Variants in ARID5B observed in about 807,000 individuals in gnomAD.
ARID5B encodes the protein AT-rich interaction domain 5B.
A neutral mutation model predicts 97.2 loss-of-function variants in ARID5B; 13 were observed. The ratio of observed to expected loss-of-function variants is 0.13; its 90% CI spans 0.09 to 0.21. The LOEUF (loss-of-function observed/expected upper bound fraction) is 0.21, where lower values mean the gene tolerates loss of function less well. Ranked by LOEUF, ARID5B falls within the 10% of genes least tolerant of loss-of-function variation. The pLI is 1.00. For synonymous variants in ARID5B, 556 were observed against 570.3 expected (o/e 0.97, Z 0.36); for missense variants, 1,210 against 1,465.3 (o/e 0.83, Z 2.84).
rs1337695432 is a variant in ARID5B at position 62,091,031 on chromosome 10, G to T, written c.1568G>T (p.Gly523Val). The T allele has an allele frequency of 3.1e-6, 5 of 1,614,116 alleles. No homozygotes were observed. The highest frequency in any genetic ancestry group is 1.6e-4 in the Middle Eastern group (1 of 6,062). The change falls in exon 10 of 10, where the codon GGT becomes GTT. Residue 523 changes from glycine (G) to valine (V), a missense_variant. Coordinates refer to ENST00000279873, the MANE Select transcript of ARID5B (RefSeq NM_032199.3). ...GAGAAGGACAACGAAACAGACCAAGGTTCCAACAGTGAGAAGGTGGCAGAG... is the reference window on the plus strand; with the variant it reads ...GAGAAGGACAACGAAACAGACCAAGTTTCCAACAGTGAGAAGGTGGCAGAG... ...DPEKDNETDQGSNSEKVAEEA... is the reference protein window; with the variant it reads ...DPEKDNETDQVSNSEKVAEEA...
At chr10:62,012,327 C>T (rs2132880946) in intron 4 of ARID5B, among the ~76,000 whole-genome samples, 1 of 152,190 alleles carries the variant, frequency 6.6e-6, no homozygotes, top group East Asian at 1.9e-4. Context: ...TTGAGACCAG[C>T]CTGGGCAACA....
At chr10:61,930,918 T>C (rs956566703) in intron 2 of ARID5B, among the ~76,000 whole-genome samples, 2 of 152,036 alleles carry the variant, frequency 1.3e-5, no homozygotes, top group African/African-American at 4.8e-5. Flanking sequence ...ATAAACCATT[T>C]TTTGTCTCTG....
chr10:61,989,028 T>G (rs1838886190), intron 3 of ARID5B, among the ~76,000 whole-genome samples: 2 of 151,022 alleles, frequency 1.3e-5, no homozygotes, highest in Non-Finnish European at 3.0e-5. Flanking sequence ...CTCCTGGGTT[T>G]AAGTGATTCT....
intron 4 of ARID5B, among the ~76,000 whole-genome samples, chr10:62,032,330 A>T (rs776490430): frequency 1.3e-5 from 2 of 152,084 alleles, no homozygotes; most frequent in Non-Finnish European, 2.9e-5. Context: ...CTGTAAATAA[A>T]TCAATGAAAA....
At position 61,959,775 on chromosome 10, in the gene ARID5B, A is replaced by G. The variant is rs572840186; in HGVS notation, c.502+19367A>G. On this transcript the variant is annotated intron_variant, in intron 3 of 9. Coordinates refer to ENST00000279873, the MANE Select transcript of ARID5B (RefSeq NM_032199.3). ...AAGTTTTATTTACTGTATTTTCCTA[A>G]TAGTTCATGCACGTGTGATAGGGAG... Among the ~76,000 whole-genome samples the G allele has an allele frequency of 3.9e-5, 6 of 152,316 alleles. No homozygotes were observed. The South Asian group carries it at 1.2e-3, about 32-fold the overall frequency.
At chr10:61,951,540 A>G (rs1325358192) in intron 3 of ARID5B, among the ~76,000 whole-genome samples, 1 of 152,242 alleles carries the variant, frequency 6.6e-6, no homozygotes, top group Non-Finnish European at 1.5e-5. Flanking sequence ...CAAATGTTAC[A>G]GGAGTATCCA....
intron 3 of ARID5B, among the ~76,000 whole-genome samples, chr10:61,981,145 A>G (rs1275173225): frequency 6.6e-6 from 1 of 152,144 alleles, no homozygotes; most frequent in East Asian, 1.9e-4. Flanking sequence ...CTTATCCCTC[A>G]TAGGATTGCT....
chr10:61,902,067 G>T, intron 1 of ARID5B, 92 bp from the exon 2 acceptor site: 1 of 1,480,372 alleles, frequency 6.8e-7, no homozygotes. Flanking sequence ...TGTATTAAGA[G>T]AGTGGATGTC....
chr10:62,014,676 C>T (rs568239465), intron 4 of ARID5B, among the ~76,000 whole-genome samples: 4 of 152,214 alleles, frequency 2.6e-5, no homozygotes, highest in Non-Finnish European at 4.4e-5. Context: ...TGGGACTCCA[C>T]GTCTTATATA....
intron 2 of ARID5B, among the ~76,000 whole-genome samples, chr10:61,916,510 AT>A (rs1429472504): frequency 6.6e-6 from 1 of 152,194 alleles, no homozygotes; most frequent in Non-Finnish European, 1.5e-5. Flanking sequence ...AATATGTGAC[AT>A]TTTATTTACT....
intron 3 of ARID5B, among the ~76,000 whole-genome samples, chr10:61,997,086 T>C (rs1179906014): frequency 6.6e-6 from 1 of 152,042 alleles, no homozygotes; most frequent in African/African-American, 2.4e-5. Flanking sequence ...GCACAGTATC[T>C]GATTCTGATG....
At chr10:62,013,098 A>G (rs962649091) in intron 4 of ARID5B, among the ~76,000 whole-genome samples, 38 of 152,340 alleles carry the variant, frequency 2.5e-4, no homozygotes, top group African/African-American at 8.9e-4. Context: ...TCTTCTGAGA[A>G]CCAGTGCTCA....
intron 4 of ARID5B, among the ~76,000 whole-genome samples, chr10:62,039,574 A>C (rs1181840715): frequency 1.3e-5 from 2 of 152,202 alleles, no homozygotes; most frequent in Non-Finnish European, 2.9e-5. Flanking sequence ...CAGGAATCAA[A>C]AAGTGAGGAG....
chr10:62,094,021 T>C lies in ARID5B; in HGVS notation c.*991T>C, dbSNP rs1168357090. 11 of 233,576 alleles carry C rather than the reference T, an allele frequency of 4.7e-5. No individual in the cohort carries two copies. Among genetic ancestry groups the C allele is most frequent in the Non-Finnish European group, 6.8e-5 (8 of 118,042 alleles). The allele number at this position is 233,576 out of a possible 1,614,324, so 14.5% of individuals were successfully genotyped here. ...GGTTCTGTGAAAATATTGAGCATTG[T>C]ACTTACCTTATCTAGGCTGTGAAAC... is the stretch of plus-strand genomic sequence containing the variant. On this transcript the variant is annotated 3_prime_UTR_variant, in exon 10 of 10. Transcript: ENST00000279873.
intron 2 of ARID5B, among the ~76,000 whole-genome samples, chr10:61,914,862 A>G (rs988467753): frequency 3.9e-5 from 6 of 152,232 alleles, no homozygotes; most frequent in Non-Finnish European, 2.9e-5. Context: ...GAACTTGCCC[A>G]AGGTCACACA....
intron 3 of ARID5B, among the ~76,000 whole-genome samples, chr10:61,967,599 G>A (rs1019378139): frequency 6.6e-6 from 1 of 152,182 alleles, no homozygotes; most frequent in African/African-American, 2.4e-5. Context: ...AATGACAAGT[G>A]GAGCTGGTTG....
rs1564650255 is a variant in ARID5B at position 62,091,661 on chromosome 10, C to A, written c.2198C>A (p.Ser733Tyr). The A allele has an allele frequency of 6.2e-7, 1 of 1,614,156 alleles. No homozygotes were observed. ...IARDDLCSSL[S>Y]QTHHGQSTDH... ...AGGGATGACTTGTGTTCCAGTTTGT[C>A]CCAGACCCACCATGGCCAAAGCACT... The change falls in exon 10 of 10, where the codon TCC becomes TAC. Residue 733 changes from serine (S) to tyrosine (Y), a missense_variant. By Grantham distance (144) the Ser-to-Tyr change is moderately radical. Coordinates refer to ENST00000279873, the MANE Select transcript of ARID5B (RefSeq NM_032199.3).
intron 3 of ARID5B, among the ~76,000 whole-genome samples, chr10:61,982,681 T>C (rs1465293337): frequency 6.6e-6 from 1 of 152,142 alleles, no homozygotes; most frequent in South Asian, 2.1e-4. Context: ...TCCACTAACT[T>C]GTGCATGAGA....
intron 2 of ARID5B, among the ~76,000 whole-genome samples, chr10:61,936,402 G>C (rs1000176638): frequency 6.6e-6 from 1 of 152,260 alleles, no homozygotes; most frequent in Non-Finnish European, 1.5e-5. Context: ...CAGATCACCA[G>C]AGGTCAGGAG....
Sources: allele counts gnomAD v4.1 joint callset (sites outside exome capture counted in the v4.1 genomes callset), GRCh38; gene constraint gnomAD v4.1.1; transcripts MANE v1.5; gene names NCBI Gene and HGNC (gene_info 2026-07-23, HGNC 2026-07-21).